The following FAM120B variants were observed in gnomAD, a reference collection of about 807,000 sequenced individuals.
FAM120B encodes the protein family with sequence similarity 120 member B, also known as constitutive coactivator of peroxisome proliferator-activated receptor gamma.
In FAM120B, 83 loss-of-function variants were observed where a neutral mutation model predicts 96.3. That is an observed-to-expected ratio of 0.86 (90% CI 0.72 to 1.03). FAM120B has a LOEUF of 1.03. FAM120B is among the 50% of genes least tolerant of loss of function. The pLI is 0.00. For missense variants in FAM120B, 1,027 were observed against 1,121.2 expected (o/e 0.92, Z 1.20); for synonymous variants, 407 against 402.7 (o/e 1.01, Z -0.13).
intron 4 of FAM120B, among the ~76,000 whole-genome samples, chr6:170,335,706 G>T (rs115614403): frequency 1.4e-4 from 22 of 152,040 alleles, no homozygotes; most frequent in Non-Finnish European, 1.5e-5. Context: ...CCACATCCTC[G>T]CCAGCATAGT....
At chr6:170,403,577 G>C (rs961549090) in intron 9 of FAM120B, among the ~76,000 whole-genome samples, 2 of 152,164 alleles carry the variant, frequency 1.3e-5, no homozygotes, top group African/African-American at 4.8e-5. Flanking sequence ...TGAACTCTCT[G>C]GTCCACTTCA....
chr6:170,394,047 G>A (rs2115326319), intron 8 of FAM120B, among the ~76,000 whole-genome samples: 1 of 152,358 alleles, frequency 6.6e-6, no homozygotes, highest in African/African-American at 2.4e-5. Context: ...GACCACGTGT[G>A]TAAGATGAGC....
At position 170,407,048 on chromosome 6, in the gene FAM120B, T is replaced by C. The variant is rs1778825425; in HGVS notation, c.*2297T>C. 1 of 152,214 alleles carries C rather than the reference T, an allele frequency of 6.6e-6. No individual in the cohort carries two copies. The highest frequency in any genetic ancestry group is 6.5e-5 in the Admixed American group (1 of 15,290). The allele number at this position is 152,214 out of a possible 1,614,324, so 9.4% of individuals were successfully genotyped here. A position where few individuals can be genotyped will look rare whatever the true frequency, so the allele number is the denominator to read the frequency against. ...ATCAAATTGAAAATAAAGCAAAATATATTTATTACTCATAACTAATATACT... is the reference window on the plus strand; with the variant it reads ...ATCAAATTGAAAATAAAGCAAAATACATTTATTACTCATAACTAATATACT... On this transcript the variant is annotated 3_prime_UTR_variant, in exon 11 of 11. Transcript: ENST00000476287.
intron 4 of FAM120B, among the ~76,000 whole-genome samples, chr6:170,345,000 G>GA (rs1787084011): frequency 6.6e-6 from 1 of 152,180 alleles, no homozygotes; most frequent in African/African-American, 2.4e-5. Flanking sequence ...AGTTGGACAC[G>GA]AGTGTATTTG....
intron 6 of FAM120B, among the ~76,000 whole-genome samples, chr6:170,369,689 G>GT (rs556518944): frequency 0.11 from 14,913 of 133,588 alleles, 975 homozygotes; most frequent in East Asian, 0.2. Flanking sequence ...ACTTAGGGTA[G>GT]TTTTTTTTTT....
At position 170,379,774 on chromosome 6, in the gene FAM120B, C is replaced by T. The variant is rs186872737; in HGVS notation, c.2284-8513C>T. ...AGTGTTCGTAGGCTTCCTCAGGCTG[C>T]CATAAAGATTGATAATACAAAAGAG... On this transcript the variant is annotated intron_variant, in intron 6 of 10. Coordinates refer to ENST00000476287, the MANE Select transcript of FAM120B (RefSeq NM_032448.3). Among the ~76,000 whole-genome samples, 21 of 152,202 alleles carry T rather than the reference C, an allele frequency of 1.4e-4. No individual in the cohort carries two copies. In the East Asian group the frequency reaches 4.0e-3, roughly 29 times the overall value.
In FAM120B at chr6:170,318,954, A is replaced by G; in HGVS notation, c.1564A>G (p.Met522Val). The G allele has an allele frequency of 2.5e-6, 4 of 1,614,218 alleles. No homozygotes were observed. The highest frequency in any genetic ancestry group is 3.4e-6 in the Non-Finnish European group (4 of 1,180,028). The change falls in exon 2 of 11, where the codon ATG becomes GTG. Residue 522 changes from methionine to valine, a missense_variant. Around this residue, in one of 3 missense-constraint regions of FAM120B, gnomAD observed 880 missense variants for 980.9 expected, o/e 0.90. Coordinates refer to ENST00000476287, the MANE Select transcript of FAM120B (RefSeq NM_032448.3). ...TDPISKQEDSMCTHAEINQKL... is the reference protein window; with the variant it reads ...TDPISKQEDSVCTHAEINQKL... ...TCCTATATCCAAGCAAGAAGACTCCATGTGTACACACGCTGAAATCAATCA... is the reference window on the plus strand; with the variant it reads ...TCCTATATCCAAGCAAGAAGACTCCGTGTGTACACACGCTGAAATCAATCA...
intron 9 of FAM120B, among the ~76,000 whole-genome samples, chr6:170,401,118 A>T (rs879883376): frequency 1.3e-5 from 2 of 152,202 alleles, no homozygotes; most frequent in Admixed American, 6.5e-5. Flanking sequence ...GTAGCTAGTC[A>T]TCCTCAGCCC....
intron 6 of FAM120B, among the ~76,000 whole-genome samples, chr6:170,368,911 T>A (rs1788991015): frequency 6.6e-6 from 1 of 150,516 alleles, no homozygotes; most frequent in South Asian, 2.1e-4. Flanking sequence ...CTGAGGGCAC[T>A]CACCTGCTTT....
intron 6 of FAM120B, among the ~76,000 whole-genome samples, chr6:170,367,396 T>G (rs1312912597): frequency 2.6e-5 from 4 of 152,234 alleles, no homozygotes; most frequent in South Asian, 4.1e-4. Flanking sequence ...AAACGCAAAT[T>G]TCTATGTCCG....
Position 170,395,578 on chromosome 6 carries a change from A to G in FAM120B, c.2691A>G (p.Pro897=), listed in dbSNP as rs1443596572. 1.3e-6 allele frequency: 2 copies of G among 1,587,686 alleles called. No individual in the cohort carries two copies. The highest frequency in any genetic ancestry group is 1.7e-6 in the Non-Finnish European group (2 of 1,166,810). ...SQGQPWRDQG[P]GSRQYEHDQW... ...GACAGCCGTGGAGAGACCAGGGACC[A>G]GGTAAGAAGGCCAGTGGTCACTCTG... Residue 897 remains proline, a splice_region_variant and synonymous_variant, in exon 9 of 11, where the codon CCA becomes CCG. Transcript: ENST00000476287.
chr6:170,344,861 C>T (rs1356946089), intron 4 of FAM120B, among the ~76,000 whole-genome samples: 2 of 152,238 alleles, frequency 1.3e-5, no homozygotes, highest in Admixed American at 1.3e-4. Flanking sequence ...TGGGACATTT[C>T]CCTTCCCTGA....
In FAM120B at chr6:170,370,244, G is replaced by A. The variant is rs1789095221; in HGVS notation, c.2283+11926G>A. Among the ~76,000 whole-genome samples the A allele has an allele frequency of 6.6e-6, 1 of 152,204 alleles. No homozygotes were observed. The highest frequency in any genetic ancestry group is 2.4e-5 in the African/African-American group (1 of 41,454). On this transcript the variant is annotated intron_variant, in intron 6 of 10. Transcript: ENST00000476287. The surrounding 1 kb of genome is among the most constrained non-coding windows in gnomAD (Gnocchi z 4.3). The stretch of plus-strand genomic sequence containing the variant: ...GTCCTCCTGCTCCCACATGTGCTAA[G>A]TGGCACCTTAGGGGGCCCTTGCTGC...
chr6:170,349,695 G>A (rs1787447810), intron 5 of FAM120B, among the ~76,000 whole-genome samples: 1 of 152,188 alleles, frequency 6.6e-6, no homozygotes, highest in Admixed American at 6.5e-5. Context: ...TTAAAATGTA[G>A]ATGTAAAAAG....
In FAM120B at chr6:170,383,721, C is replaced by T. The variant is rs79086301; in HGVS notation, c.2284-4566C>T. 0.052 allele frequency among the ~76,000 whole-genome samples: 7,952 copies of T among 152,266 alleles called. 1,080 individuals carry two copies. The East Asian group carries it at 0.57, about 11-fold the overall frequency. ...GGCTGGTGTCGGTCACTCTGGAAAACAGTTTGGCCGTTTCTTAAAAAACTA... is the reference window on the plus strand; with the variant it reads ...GGCTGGTGTCGGTCACTCTGGAAAATAGTTTGGCCGTTTCTTAAAAAACTA... On this transcript the variant is annotated intron_variant, in intron 6 of 10. Transcript: ENST00000476287.
chr6:170,389,899 C>A (rs1790393193), intron 7 of FAM120B, among the ~76,000 whole-genome samples: 1 of 152,084 alleles, frequency 6.6e-6, no homozygotes, highest in South Asian at 2.1e-4. Flanking sequence ...ATACTCCCTG[C>A]AAAAGTGCCC....
At chr6:170,319,560 C>T (rs7774942) in intron 2 of FAM120B, among the ~76,000 whole-genome samples, 14,851 of 152,140 alleles carry the variant, frequency 0.098, 1,039 homozygotes, top group African/African-American at 0.19. Flanking sequence ...CCCAGCTACT[C>T]GGGAGGCTGA....
chr6:170,342,204 G>C (rs1246923896), intron 4 of FAM120B, among the ~76,000 whole-genome samples: 1 of 152,034 alleles, frequency 6.6e-6, no homozygotes, highest in Non-Finnish European at 1.5e-5. Flanking sequence ...CTTTTGGCCA[G>C]GAATGATCTA....
At chr6:170,297,185 G>A (rs1784034396) in intron 1 of FAM120B, among the ~76,000 whole-genome samples, 1 of 152,246 alleles carries the variant, frequency 6.6e-6, no homozygotes, top group Admixed American at 6.5e-5. Flanking sequence ...GGCCGTGGGC[G>A]TGTGCGGCTC....
Sources: allele counts gnomAD v4.1 joint callset (sites outside exome capture counted in the v4.1 genomes callset), GRCh38; gene constraint gnomAD v4.1.1; regional missense constraint gnomAD v4.1.1; non-coding constraint Gnocchi (gnomAD v3.1); transcripts MANE v1.5; gene names NCBI Gene and HGNC (gene_info 2026-07-23, HGNC 2026-07-21).